Variants in DNAH5 observed in about 807,000 individuals in gnomAD.
DNAH5 encodes the protein axonemal beta dynein heavy chain 5.
A neutral mutation model predicts 518.2 loss-of-function variants in DNAH5; 372 were observed. That is an observed-to-expected ratio of 0.72 (90% CI 0.66 to 0.78). DNAH5 has a LOEUF of 0.78. Ranked by LOEUF, DNAH5 falls within the 30% of genes least tolerant of loss-of-function variation. The probability of loss-of-function intolerance (pLI) is 0.00; values close to 1 mark genes in which losing one functional copy is unlikely to be tolerated. For synonymous variants in DNAH5, 2,039 were observed against 2,025.9 expected (o/e 1.01, Z -0.17); for missense variants, 5,523 against 5,687.0 (o/e 0.97, Z 0.93).
rs1408035285 is a variant in DNAH5, at chr5:13,883,032, G to C, written c.3046C>G (p.Leu1016Val). 1 of 1,614,068 alleles carries C rather than the reference G, an allele frequency of 6.2e-7. No homozygotes were observed. The highest frequency in any genetic ancestry group is 1.3e-5 in the African/African-American group (1 of 74,928). ...SLPIFRASVTLAIPNIVMAPA... is the reference protein window; with the variant it reads ...SLPIFRASVTVAIPNIVMAPA... ...GCCATGACGATGTTGGGAATGGCCA[G>C]AGTGACGCTTGCCCGGAAAATGGGC... The change falls in exon 20 of 79, where the codon CTG (leucine) becomes GTG (valine). Residue 1016 changes from leucine to valine, a missense_variant. Physicochemically the swap from Leu to Val is conservative, Grantham distance 32. Coordinates refer to ENST00000265104, the MANE Select transcript of DNAH5 (RefSeq NM_001369.3).
intron 61 of DNAH5, among the ~76,000 whole-genome samples, chr5:13,754,865 T>G (rs1315902320): frequency 6.6e-6 from 1 of 151,538 alleles, no homozygotes. Flanking sequence ...AACAAATGGT[T>G]CCGGTGGCTC....
chr5:13,923,750 A>C (rs1777551717), intron 3 of DNAH5, among the ~76,000 whole-genome samples: 1 of 152,150 alleles, frequency 6.6e-6, no homozygotes, highest in African/African-American at 2.4e-5. Flanking sequence ...ACATTATTAA[A>C]ACTCACAACC....
chr5:13,809,032 TAA>T lies in DNAH5; in HGVS notation c.7752+10_7752+11del, dbSNP rs1479820331. On this transcript the variant is annotated intron_variant, in intron 46 of 78. Transcript: ENST00000265104. ...AAAATATGCTACAGTTAATAAAAAT[TAA>T]AAGTCATACCTTGCCCTGTTTAGCA... The T allele has an allele frequency of 1.2e-6, 2 of 1,613,952 alleles. No homozygotes were observed. The highest frequency in any genetic ancestry group is 2.2e-5 in the South Asian group (2 of 91,080).
At chr5:13,747,221 T>A (rs968727884) in intron 65 of DNAH5, among the ~76,000 whole-genome samples, 1 of 152,198 alleles carries the variant, frequency 6.6e-6, no homozygotes, top group Non-Finnish European at 1.5e-5. Context: ...CATGAACTCA[T>A]CCTTTTTTAC....
At chr5:14,003,949 C>T (rs976484412) in intron 1 of DNAH5, among the ~76,000 whole-genome samples, 1 of 152,168 alleles carries the variant, frequency 6.6e-6, no homozygotes, top group African/African-American at 2.4e-5. Context: ...GGAGAGACCC[C>T]CATGCCAGAA....
chr5:13,713,272 G>A (rs530438754), intron 75 of DNAH5, among the ~76,000 whole-genome samples: 1 of 128,126 alleles, frequency 7.8e-6, no homozygotes, highest in African/African-American at 3.0e-5. Context: ...TATATATACC[G>A]ACATATATAT....
chr5:13,960,085 C>T (rs191814374), intron 1 of DNAH5, among the ~76,000 whole-genome samples: 9 of 149,736 alleles, frequency 6.0e-5, no homozygotes, highest in Admixed American at 5.3e-4. Flanking sequence ...TGCTTCCCTA[C>T]GGCATGAGGG....
At chr5:13,877,877 G>A (rs769723469) in intron 21 of DNAH5, among the ~76,000 whole-genome samples, 23 of 152,134 alleles carry the variant, frequency 1.5e-4, no homozygotes, top group Non-Finnish European at 2.9e-4. Context: ...GCTTTACACA[G>A]GCATGAAGCA....
intron 6 of DNAH5, 123 bp from the exon 7 acceptor site, chr5:13,919,475 C>T (rs1401844369): frequency 1.2e-5 from 14 of 1,138,326 alleles, no homozygotes; most frequent in Non-Finnish European, 1.5e-5. Context: ...ATGCGTATTC[C>T]ATGCTTCCAA....
Position 13,871,188 on chromosome 5 carries a change from T to C in DNAH5, c.3599-186A>G, listed in dbSNP as rs548337716. Among the ~76,000 whole-genome samples, 107 of 152,318 alleles carry C rather than the reference T, an allele frequency of 7.0e-4. 1 individual carries two copies. Among genetic ancestry groups the C allele is most frequent in the African/African-American group, 2.5e-3 (103 of 41,576 alleles). ...ATATTCATTCATTTTTTAAAGTTTG[T>C]TTTTACAACAACTCAACACACATTT... On this transcript the variant is annotated intron_variant, in intron 23 of 78. Coordinates refer to ENST00000265104, the MANE Select transcript of DNAH5 (RefSeq NM_001369.3).
intron 57 of DNAH5, among the ~76,000 whole-genome samples, 167 bp downstream of exon 57, chr5:13,769,334 G>A (rs916503857): frequency 2.1e-5 from 3 of 144,758 alleles, no homozygotes; most frequent in Middle Eastern, 3.6e-3. Flanking sequence ...TGCAAGCTCC[G>A]CCTCCTGCAC....
intron 51 of DNAH5, among the ~76,000 whole-genome samples, chr5:13,787,538 CT>C (rs763993577): frequency 1.3e-5 from 2 of 152,140 alleles, no homozygotes; most frequent in Non-Finnish European, 2.9e-5. Flanking sequence ...CCAAATCAAG[CT>C]TTGAGAAATA....
chr5:13,930,377 C>T (rs1189275592), intron 2 of DNAH5, among the ~76,000 whole-genome samples: 1 of 152,146 alleles, frequency 6.6e-6, no homozygotes, highest in African/African-American at 2.4e-5. Flanking sequence ...CTACTTCCTC[C>T]AACCTTGCCC....
At chr5:13,724,709 T>A (rs925378413) in intron 70 of DNAH5, among the ~76,000 whole-genome samples, 1 of 152,200 alleles carries the variant, frequency 6.6e-6, no homozygotes, top group African/African-American at 2.4e-5. Flanking sequence ...CTTGGTGCTG[T>A]ACTCATGAGA....
intron 1 of DNAH5, among the ~76,000 whole-genome samples, chr5:13,935,379 T>C (rs1220314672): frequency 6.6e-6 from 1 of 152,270 alleles, no homozygotes; most frequent in East Asian, 1.9e-4. Flanking sequence ...TACTTAAATA[T>C]CACAGGAGAA....
intron 40 of DNAH5, among the ~76,000 whole-genome samples, chr5:13,820,851 A>G (rs1183107325): frequency 6.8e-6 from 1 of 146,686 alleles, no homozygotes; most frequent in Non-Finnish European, 1.5e-5. Context: ...AAAACACATC[A>G]ATGACAATCT....
At chr5:13,736,041 C>T in intron 66 of DNAH5, 109 bp from the exon 67 acceptor site, 1 of 804,574 alleles carries the variant, frequency 1.2e-6, no homozygotes, top group Non-Finnish European at 2.2e-6. Flanking sequence ...TTATTTTAGG[C>T]AGTGGCTGCC....
chr5:13,747,682 C>T (rs1408909620), intron 65 of DNAH5, among the ~76,000 whole-genome samples: 4 of 152,306 alleles, frequency 2.6e-5, no homozygotes, highest in African/African-American at 9.6e-5. Flanking sequence ...GCATAAATGT[C>T]TTCTTTTGAG....
intron 1 of DNAH5, among the ~76,000 whole-genome samples, chr5:13,957,584 A>T (rs1780846354): frequency 6.6e-6 from 1 of 151,794 alleles, no homozygotes; most frequent in Admixed American, 6.6e-5. Flanking sequence ...AATTATAAAT[A>T]ATAAAATATA....
Sources: gnomAD v4.1 joint callset for allele counts (sites outside exome capture counted in the v4.1 genomes callset) on GRCh38, gnomAD v4.1.1 for gene constraint, MANE v1.5 for transcripts, NCBI Gene and HGNC (gene_info 2026-07-23, HGNC 2026-07-21) for gene names.